DENND1A: variants seen among roughly 807,000 people sequenced by gnomAD.
The protein encoded by DENND1A is DENN domain containing 1A.
Under a neutral mutation model 113.7 loss-of-function variants are expected in DENND1A, and 51 were observed. That is an observed-to-expected ratio of 0.45 (90% CI 0.36 to 0.57). The LOEUF (loss-of-function observed/expected upper bound fraction) is 0.57, where lower values mean the gene tolerates loss of function less well. Ranked by LOEUF, DENND1A falls within the 20% of genes least tolerant of loss-of-function variation. The pLI is 0.00. For synonymous variants in DENND1A, 565 were observed against 570.8 expected (o/e 0.99, Z 0.14); for missense variants, 1,258 against 1,395.9 (o/e 0.90, Z 1.57).
intron 4 of DENND1A, among the ~76,000 whole-genome samples, chr9:123,767,044 T>G (rs1222210968): frequency 6.6e-6 from 1 of 152,196 alleles, no homozygotes; most frequent in Non-Finnish European, 1.5e-5. Flanking sequence ...TGGCATATTT[T>G]CTAAGTCAAA....
chr9:123,646,159 C>A (rs960748025), intron 9 of DENND1A, among the ~76,000 whole-genome samples: 3 of 152,172 alleles, frequency 2.0e-5, no homozygotes, highest in Non-Finnish European at 4.4e-5. Context: ...GCAAAAGCTA[C>A]GTACCAGGCT....
chr9:123,509,456 G>A (rs2053255443), intron 13 of DENND1A, among the ~76,000 whole-genome samples: 2 of 152,198 alleles, frequency 1.3e-5, no homozygotes, highest in Admixed American at 1.3e-4. Flanking sequence ...AGCATTAGGG[G>A]TCACGTAGCA....
chr9:123,811,367 G>C (rs142252195), intron 2 of DENND1A, among the ~76,000 whole-genome samples: 2 of 152,318 alleles, frequency 1.3e-5, no homozygotes, highest in South Asian at 2.1e-4. Flanking sequence ...ATAACTAAGA[G>C]TATGGCTGGA....
intron 1 of DENND1A, among the ~76,000 whole-genome samples, chr9:123,923,453 A>C (rs1856619633): frequency 6.6e-6 from 1 of 152,224 alleles, no homozygotes; most frequent in Non-Finnish European, 1.5e-5. Context: ...TAGGCATTAG[A>C]GGAAGAAGGC....
At chr9:123,906,455 C>G (rs559499114) in intron 1 of DENND1A, among the ~76,000 whole-genome samples, 1 of 93,728 alleles carries the variant, frequency 1.1e-5, no homozygotes, top group Non-Finnish European at 1.9e-5. Context: ...ATTGATAGAC[C>G]GCTAGCAAGA....
intron 2 of DENND1A, among the ~76,000 whole-genome samples, chr9:123,813,703 T>C (rs146211334): frequency 3.7e-4 from 57 of 152,312 alleles, no homozygotes; most frequent in African/African-American, 1.2e-3. Context: ...TACTGGATTG[T>C]CTAATAAGTA....
intron 13 of DENND1A, among the ~76,000 whole-genome samples, chr9:123,544,967 G>A (rs1474864569): frequency 2.6e-5 from 4 of 151,952 alleles, no homozygotes; most frequent in Non-Finnish European, 4.4e-5. Context: ...TCGTGGTGGC[G>A]GGCGCCTGTA....
intron 13 of DENND1A, among the ~76,000 whole-genome samples, chr9:123,553,400 G>GC (rs869110586): frequency 2.0e-4 from 23 of 112,482 alleles, no homozygotes; most frequent in South Asian, 5.6e-4. Context: ...TTTAAAAGCC[G>GC]CCCCCCCCCC....
intron 21 of DENND1A, among the ~76,000 whole-genome samples, chr9:123,398,030 G>A (rs1000661370): frequency 2.0e-5 from 3 of 152,224 alleles, no homozygotes; most frequent in African/African-American, 2.4e-5. Flanking sequence ...CTGCATGCAG[G>A]TTGTCAGGAG....
chr9:123,385,445 G>A (rs1184361584), intron 22 of DENND1A, among the ~76,000 whole-genome samples: 2 of 152,214 alleles, frequency 1.3e-5, no homozygotes, highest in Admixed American at 1.3e-4. Context: ...TTACAGGTGT[G>A]AGCCATTGCG....
At position 123,929,601 on chromosome 9, in the gene DENND1A, G is replaced by A. The variant is rs770367103; in HGVS notation, c.17+288C>T. Among the ~76,000 whole-genome samples the A allele has an allele frequency of 9.5e-4, 145 of 152,044 alleles. 1 individual carries two copies. Among genetic ancestry groups the A allele is most frequent in the Admixed American group, 1.2e-3 (18 of 15,280 alleles). On this transcript the variant is annotated intron_variant, in intron 1 of 23. Transcript: ENST00000394215. The stretch of plus-strand genomic sequence containing the variant: ...CCCACAGTTGAAGGACCATTTTCAG[G>A]GGCTCTCCGTAAACCCGGGGAGGGG...
At chr9:123,886,174 C>T (rs1390240653) in intron 1 of DENND1A, among the ~76,000 whole-genome samples, 1 of 151,788 alleles carries the variant, frequency 6.6e-6, no homozygotes, top group African/African-American at 2.4e-5. Flanking sequence ...AGCTTAATGG[C>T]GTTTTTTGTT....
intron 5 of DENND1A, among the ~76,000 whole-genome samples, chr9:123,695,469 T>C (rs1384655275): frequency 6.6e-6 from 1 of 151,522 alleles, no homozygotes; most frequent in African/African-American, 2.4e-5. Context: ...CTAAAGAATA[T>C]GATGTCATTG....
chr9:123,582,573 G>A (rs369575370), intron 12 of DENND1A, among the ~76,000 whole-genome samples: 18 of 151,706 alleles, frequency 1.2e-4, no homozygotes, highest in African/African-American at 4.1e-4. Flanking sequence ...TTAATTTTTT[G>A]TATTTTTAGT....
chr9:123,675,457 G>A (rs766477323), intron 6 of DENND1A, among the ~76,000 whole-genome samples: 31 of 152,146 alleles, frequency 2.0e-4, no homozygotes, highest in Non-Finnish European at 4.3e-4. Context: ...GGACCCCAGT[G>A]TGGCTGAACT....
At chr9:123,803,275 T>C (rs997125068) in intron 2 of DENND1A, among the ~76,000 whole-genome samples, 2 of 152,216 alleles carry the variant, frequency 1.3e-5, no homozygotes, top group Admixed American at 1.3e-4. Flanking sequence ...CACACAGCTA[T>C]GCCGATTAAT....
intron 12 of DENND1A, among the ~76,000 whole-genome samples, chr9:123,575,657 T>A: frequency 6.6e-6 from 1 of 152,206 alleles, no homozygotes; most frequent in Non-Finnish European, 1.5e-5. Flanking sequence ...CACACACAGT[T>A]TTTTAGGAAT....
At chr9:123,640,821 C>T (rs913598570) in intron 9 of DENND1A, among the ~76,000 whole-genome samples, 1 of 152,176 alleles carries the variant, frequency 6.6e-6, no homozygotes, top group African/African-American at 2.4e-5. Flanking sequence ...GTAACTTGCC[C>T]AAGGCCATAT....
chr9:123,417,885 TGG>T (rs113918463), intron 19 of DENND1A, among the ~76,000 whole-genome samples: 1 of 133,864 alleles, frequency 7.5e-6, no homozygotes, highest in African/African-American at 2.7e-5. Flanking sequence ...TGCCATAGAT[TGG>T]GGGGGGGGCA....
Sources: allele counts gnomAD v4.1 joint callset (sites outside exome capture counted in the v4.1 genomes callset), GRCh38; gene constraint gnomAD v4.1.1; transcripts MANE v1.5; gene names NCBI Gene and HGNC (gene_info 2026-07-23, HGNC 2026-07-21).